The following NCALD variants were observed in gnomAD, a reference collection of about 807,000 sequenced individuals.
The protein encoded by NCALD is neurocalcin-delta.
A neutral mutation model predicts 18.6 loss-of-function variants in NCALD; 10 were observed. The observed-to-expected ratio is 0.54, with a 90% CI of 0.33 to 0.91. The LOEUF is 0.91. Ranked by LOEUF, NCALD falls within the 40% of genes least tolerant of loss-of-function variation. NCALD has a pLI of 0.03. For synonymous variants in NCALD, 88 were observed against 87.4 expected, an observed-to-expected ratio of 1.01 and a Z score of -0.04; for missense variants, 184 against 247.6, an observed-to-expected ratio of 0.74 and a Z score of 1.72.
chr8:101,823,653 G>T (rs1309391603), intron 4 of NCALD, among the ~76,000 whole-genome samples: 4 of 152,096 alleles, frequency 2.6e-5, no homozygotes, highest in Non-Finnish European at 5.9e-5. Flanking sequence ...GACATTACAG[G>T]TCTGATGAGC....
At chr8:101,997,795 T>A (rs1270157059) in intron 2 of NCALD, among the ~76,000 whole-genome samples, 6 of 152,232 alleles carry the variant, frequency 3.9e-5, no homozygotes, top group Non-Finnish European at 8.8e-5. Context: ...CGTGTTGTTT[T>A]GCTTTTGTTT....
intron 4 of NCALD, among the ~76,000 whole-genome samples, chr8:101,832,846 C>T (rs532808213): frequency 6.6e-6 from 1 of 152,280 alleles, no homozygotes; most frequent in African/African-American, 2.4e-5. Context: ...TAAATGGTGA[C>T]TCATTATTCA....
intron 2 of NCALD, among the ~76,000 whole-genome samples, chr8:101,701,128 G>A (rs1426957046): frequency 3.3e-5 from 5 of 152,212 alleles, no homozygotes; most frequent in Non-Finnish European, 7.3e-5. Flanking sequence ...CAGAGCCACA[G>A]TGGCAGGATT....
rs2054417 is a variant in NCALD, at chr8:101,945,376, T to A, written c.-156-29518A>T. ...GAGAGGAAGGGGCTAAAATGCGGAA[T>A]GGAGCAGAGAGTAAACAAGTAAAGC... On this transcript the variant is annotated intron_variant, in intron 2 of 6. Transcript: ENST00000311028. 6.5e-3 allele frequency among the ~76,000 whole-genome samples: 988 copies of A among 152,214 alleles called. 10 individuals carry two copies. Among genetic ancestry groups the A allele is most frequent in the Non-Finnish European group, 0.011 (746 of 68,012 alleles).
chr8:101,753,465 G>A (rs144350302), intron 1 of NCALD, among the ~76,000 whole-genome samples: 15 of 152,218 alleles, frequency 9.9e-5, no homozygotes, highest in East Asian at 3.9e-4. Context: ...ACTTGATTTC[G>A]TTCAGGAATT....
At chr8:101,852,352 C>G (rs912156601) in intron 4 of NCALD, among the ~76,000 whole-genome samples, 10 of 152,186 alleles carry the variant, frequency 6.6e-5, no homozygotes, top group African/African-American at 2.4e-4. Flanking sequence ...CTGTGAAGCC[C>G]TTGGTCCCTC....
chr8:101,796,938 G>A (rs1812659494), intron 4 of NCALD, among the ~76,000 whole-genome samples: 1 of 152,072 alleles, frequency 6.6e-6, no homozygotes. Flanking sequence ...TGCCTCCTTC[G>A]GAAAGGCTTA....
At chr8:102,093,557 C>T (rs1454185296) in intron 1 of NCALD, among the ~76,000 whole-genome samples, 2 of 152,238 alleles carry the variant, frequency 1.3e-5, no homozygotes, top group Non-Finnish European at 1.5e-5. Context: ...AGAGGATTGA[C>T]TCAGCTAGGA....
At chr8:102,113,013 TCACTTATTC>T (rs1233930558) in intron 1 of NCALD, among the ~76,000 whole-genome samples, 1 of 152,116 alleles carries the variant, frequency 6.6e-6, no homozygotes, top group African/African-American at 2.4e-5. Context: ...TTACCCAGTC[TCACTTATTC>T]CATTATAGCA....
chr8:102,123,361 C>G (rs1825998099), intron 1 of NCALD, among the ~76,000 whole-genome samples: 1 of 151,654 alleles, frequency 6.6e-6, no homozygotes, highest in Non-Finnish European at 1.5e-5. Flanking sequence ...CGGCCTCCGA[C>G]AGACCCGCAG....
chr8:102,065,248 T>A (rs1266882310), intron 1 of NCALD, among the ~76,000 whole-genome samples: 1 of 145,942 alleles, frequency 6.9e-6, no homozygotes, highest in Non-Finnish European at 1.5e-5. Context: ...TGTGAATCAG[T>A]GAAGGCTCTT....
chr8:101,974,250 A>C (rs1820341073), intron 2 of NCALD, among the ~76,000 whole-genome samples: 1 of 152,212 alleles, frequency 6.6e-6, no homozygotes, highest in South Asian at 2.1e-4. Flanking sequence ...TTACTTTTGC[A>C]CCAACCTAAT....
intron 4 of NCALD, among the ~76,000 whole-genome samples, chr8:101,846,923 G>C (rs1397651146): frequency 6.6e-6 from 1 of 152,146 alleles, no homozygotes; most frequent in Non-Finnish European, 1.5e-5. Context: ...CAGCCACAAG[G>C]AGTATTTTTG....
At chr8:101,972,538 T>C (rs1820280100) in intron 2 of NCALD, among the ~76,000 whole-genome samples, 1 of 152,102 alleles carries the variant, frequency 6.6e-6, no homozygotes, top group Non-Finnish European at 1.5e-5. Flanking sequence ...GCAGGAACAA[T>C]GATGTTTGAA....
intron 1 of NCALD, among the ~76,000 whole-genome samples, chr8:102,049,421 G>A (rs539381046): frequency 1.3e-5 from 2 of 152,184 alleles, no homozygotes; most frequent in African/African-American, 2.4e-5. Flanking sequence ...TGGATGTGCC[G>A]TTGTTTATTC....
chr8:101,885,202 G>A lies in NCALD; in HGVS notation c.-20+1939C>T, dbSNP rs547706879. ...TCCTGACTTAAGGAGGCTAAAGAGC[G>A]ATATCCAAACAACAGGAAATCAGTA... On this transcript the variant is annotated intron_variant, in intron 4 of 6. Coordinates refer to the NCALD transcript ENST00000311028. 7.2e-5 allele frequency among the ~76,000 whole-genome samples: 11 copies of A among 152,260 alleles called. No homozygotes were observed. The South Asian group carries it at 1.7e-3, about 23-fold the overall frequency.
At chr8:101,871,036 T>C (rs774739842) in intron 4 of NCALD, among the ~76,000 whole-genome samples, 3 of 152,074 alleles carry the variant, frequency 2.0e-5, no homozygotes, top group Non-Finnish European at 4.4e-5. Context: ...ATAAATATCC[T>C]AGTTGAGGTT....
intron 4 of NCALD, among the ~76,000 whole-genome samples, chr8:101,881,908 G>A (rs1435997463): frequency 3.9e-5 from 6 of 152,152 alleles, no homozygotes; most frequent in Non-Finnish European, 7.3e-5. Context: ...GCACACATTT[G>A]TGATACAACT....
At chr8:102,071,344 T>A (rs1691020334) in intron 1 of NCALD, among the ~76,000 whole-genome samples, 1 of 152,204 alleles carries the variant, frequency 6.6e-6, no homozygotes, top group South Asian at 2.1e-4. Context: ...AATAGCAAAT[T>A]AAGGCTTTAA....
Sources: allele counts gnomAD v4.1 joint callset (sites outside exome capture counted in the v4.1 genomes callset), GRCh38; gene constraint gnomAD v4.1.1; transcripts MANE v1.5; gene names NCBI Gene and HGNC (gene_info 2026-07-23, HGNC 2026-07-21).